ZFHX3: variants seen among roughly 807,000 people sequenced by gnomAD.
The protein encoded by ZFHX3 is zinc finger homeobox 3.
In ZFHX3, 42 loss-of-function variants were observed where a neutral mutation model predicts 279.1. The observed-to-expected ratio is 0.15, with a 90% CI of 0.12 to 0.19. ZFHX3 has a LOEUF of 0.19. Among genes scored for constraint, ZFHX3 ranks in the 10% least tolerant of loss-of-function variants. The pLI, the probability that ZFHX3 is intolerant of heterozygous loss-of-function variation, is 1.00. For synonymous variants in ZFHX3, 2,293 were observed against 1,957.8 expected, an observed-to-expected ratio of 1.17 and a Z score of -4.52; for missense variants, 4,981 against 4,754.0, an observed-to-expected ratio of 1.05 and a Z score of -1.40.
At chr16:73,516,580 G>C (rs1398426818) in intron 2 of ZFHX3, among the ~76,000 whole-genome samples, 3 of 152,132 alleles carry the variant, frequency 2.0e-5, no homozygotes, top group Non-Finnish European at 4.4e-5. Context: ...CCCTTCTCTG[G>C]AATAATATGT....
In ZFHX3 at chr16:72,787,735, C is replaced by T. The variant is rs747120521; in HGVS notation, c.10541G>A (p.Gly3514Asp). ...GCCGCCGCCACCGCCGCCGCCGCCG[C>T]CACTGCCACCGCCGCCGCCGCCGGT... is the stretch of plus-strand genomic sequence containing the variant. ...VPTGGGGGGS[G>D]GGGGGGGGGG... Residue 3514 changes from glycine to aspartate, a missense_variant, in exon 10 of 10, where the codon GGC (glycine) becomes GAC (aspartate). Around this residue, in one of 7 missense-constraint regions of ZFHX3, gnomAD observed 1,034 missense variants for 786.0 expected, o/e 1.32. Transcript: ENST00000268489. 2.9e-6 allele frequency: 4 copies of T among 1,400,218 alleles called. No individual in the cohort carries two copies. In the Admixed American group the frequency reaches 9.8e-5, roughly 34 times the overall value. 86.7% of individuals were successfully genotyped at this position (1,400,218 alleles called of 1,614,324 possible).
intron 3 of ZFHX3, among the ~76,000 whole-genome samples, chr16:72,899,731 C>T (rs754926443): frequency 6.6e-6 from 1 of 152,066 alleles, no homozygotes; most frequent in Non-Finnish European, 1.5e-5. Flanking sequence ...TCCTTGTGTG[C>T]AAAACAGGGA....
chr16:73,852,582 C>T (rs1365175243), intron 1 of ZFHX3, among the ~76,000 whole-genome samples: 1 of 152,078 alleles, frequency 6.6e-6, no homozygotes, highest in Non-Finnish European at 1.5e-5. Flanking sequence ...CTGACATGAT[C>T]TCATCTTTGA....
rs1455501310 is a variant in ZFHX3 at position 73,126,322 on chromosome 16, C to A, written c.-897+4646G>T. Among the ~76,000 whole-genome samples the A allele has an allele frequency of 3.3e-5, 5 of 152,166 alleles. No individual in the cohort carries two copies. In the East Asian group the frequency reaches 9.7e-4, roughly 29 times the overall value. On this transcript the variant is annotated intron_variant, in intron 7 of 17. Coordinates refer to the ZFHX3 transcript ENST00000641206. ...ATCAGCGAGAGGATACTGCAGAGGT[C>A]CAAGCACTAGGTGATGAGGGCTTGA...
At chr16:73,677,231 T>TAA (rs1009446823) in intron 2 of ZFHX3, among the ~76,000 whole-genome samples, 2 of 23,806 alleles carry the variant, frequency 8.4e-5, no homozygotes, top group Non-Finnish European at 1.4e-4. Context: ...AAATTAATAA[T>TAA]AACATGATGT....
chr16:73,122,869 G>T (rs1336406498), intron 7 of ZFHX3, among the ~76,000 whole-genome samples: 1 of 152,138 alleles, frequency 6.6e-6, no homozygotes, highest in Non-Finnish European at 1.5e-5. Flanking sequence ...GGCTGGATGT[G>T]GTCGGCCGCT....
At chr16:73,080,800 C>T (rs977671942) in intron 8 of ZFHX3, among the ~76,000 whole-genome samples, 5 of 152,048 alleles carry the variant, frequency 3.3e-5, no homozygotes, top group Non-Finnish European at 5.9e-5. Context: ...GCTCTGGTCT[C>T]GAACTCCTGG....
intron 4 of ZFHX3, among the ~76,000 whole-genome samples, chr16:73,291,759 G>T (rs1222861308): frequency 2.0e-5 from 3 of 152,164 alleles, no homozygotes; most frequent in African/African-American, 7.2e-5. Context: ...TAGAAGGCTG[G>T]ATAGGCTTTT....
chr16:73,013,153 A>C (rs1396581639), intron 1 of ZFHX3, among the ~76,000 whole-genome samples: 1 of 152,214 alleles, frequency 6.6e-6, no homozygotes. Flanking sequence ...CATCCTGAAC[A>C]CATCACAGAC....
chr16:73,026,443 G>A (rs1489346473), intron 1 of ZFHX3, among the ~76,000 whole-genome samples: 1 of 151,938 alleles, frequency 6.6e-6, no homozygotes, highest in Non-Finnish European at 1.5e-5. Flanking sequence ...AGGCCAAGGC[G>A]GGTGGATCAC....
At chr16:73,830,293 C>T (rs1470566443) in intron 1 of ZFHX3, among the ~76,000 whole-genome samples, 1 of 146,444 alleles carries the variant, frequency 6.8e-6, no homozygotes, top group Non-Finnish European at 1.5e-5. Flanking sequence ...CACTGGCCTG[C>T]GCCCACTGTC....
At chr16:73,418,012 A>AT (rs34943942) in intron 3 of ZFHX3, among the ~76,000 whole-genome samples, 3 of 143,294 alleles carry the variant, frequency 2.1e-5, no homozygotes, top group South Asian at 2.2e-4. Context: ...AAAAAAAAAA[A>AT]GGAAAAAGAA....
rs11463933 is a variant in ZFHX3 at position 72,854,938 on chromosome 16, T to G, written c.3449-25079A>C. 2.4e-3 allele frequency among the ~76,000 whole-genome samples: 178 copies of G among 73,836 alleles called. 1 individual carries two copies. The highest frequency in any genetic ancestry group is 0.014 in the Middle Eastern group (2 of 148). 48.4% of individuals were successfully genotyped at this position (73,836 alleles called of 152,430 possible). Reference sequence around the variant, plus strand: ...AGAAATTAAAACACAAATTGGTGGGTGGGGGGGGGGTGTCAAATGGAAAAA... The same window carrying G: ...AGAAATTAAAACACAAATTGGTGGGGGGGGGGGGGGTGTCAAATGGAAAAA... On this transcript the variant is annotated intron_variant, in intron 4 of 9. Transcript: ENST00000268489.
chr16:73,401,131 G>GA (rs1399817438), intron 3 of ZFHX3: 4 of 151,990 alleles, frequency 2.6e-5, no homozygotes, highest in Admixed American at 2.6e-4. Flanking sequence ...CTTTCCCTGG[G>GA]AATGTCGGTG....
chr16:73,689,595 G>T (rs1281845792), intron 1 of ZFHX3, among the ~76,000 whole-genome samples: 1 of 152,140 alleles, frequency 6.6e-6, no homozygotes, highest in African/African-American at 2.4e-5. Flanking sequence ...TAGAGGGAGG[G>T]CTAAGGGAAT....
chr16:73,518,150 T>C (rs1211431319), intron 2 of ZFHX3, among the ~76,000 whole-genome samples: 1 of 152,188 alleles, frequency 6.6e-6, no homozygotes, highest in East Asian at 1.9e-4. Context: ...ACAGAGACTA[T>C]GGTCTACCAT....
intron 1 of ZFHX3, among the ~76,000 whole-genome samples, chr16:73,756,217 T>G (rs1306868837): frequency 2.0e-5 from 3 of 152,176 alleles, no homozygotes; most frequent in Non-Finnish European, 2.9e-5. Flanking sequence ...TCTCACTCTC[T>G]CTTTCTCTTT....
At chr16:73,017,794 A>C (rs886672464) in intron 1 of ZFHX3, among the ~76,000 whole-genome samples, 4 of 152,122 alleles carry the variant, frequency 2.6e-5, no homozygotes, top group African/African-American at 9.7e-5. Context: ...GGCTAGGGGT[A>C]AGCAGCAAAC....
chr16:73,500,933 C>T (rs1045281129), intron 2 of ZFHX3, among the ~76,000 whole-genome samples: 7 of 152,234 alleles, frequency 4.6e-5, no homozygotes, highest in Non-Finnish European at 1.0e-4. Flanking sequence ...TTACAGTCTA[C>T]AGTAGTGTGC....
Sources: allele counts gnomAD v4.1 joint callset (sites outside exome capture counted in the v4.1 genomes callset), GRCh38; gene constraint gnomAD v4.1.1; regional missense constraint gnomAD v4.1.1; transcripts MANE v1.5; gene names NCBI Gene and HGNC (gene_info 2026-07-23, HGNC 2026-07-21).